Variants in ZNF516 observed in about 807,000 individuals in gnomAD.
ZNF516 encodes the protein zinc finger protein 516.
A neutral mutation model predicts 79.7 loss-of-function variants in ZNF516; 19 were observed. The ratio of observed to expected loss-of-function variants is 0.24; its 90% CI spans 0.17 to 0.35. The LOEUF is 0.35. ZNF516 is among the 10% of genes least tolerant of loss of function. ZNF516 has a pLI of 1.00. For missense variants in ZNF516, 1,678 were observed against 1,679.5 expected, an observed-to-expected ratio of 1.00 and a Z score of 0.02; for synonymous variants, 877 against 739.5, an observed-to-expected ratio of 1.19 and a Z score of -3.02.
At chr18:76,470,953 C>A (rs1367218369) in intron 1 of ZNF516, among the ~76,000 whole-genome samples, 2 of 152,188 alleles carry the variant, frequency 1.3e-5, no homozygotes, top group African/African-American at 2.4e-5. Context: ...TCCACAAAAA[C>A]CTGATTTTTT....
Position 76,443,205 on chromosome 18 carries a change from C to T in ZNF516, c.-151G>A. On this transcript the variant is annotated 5_prime_UTR_variant, in exon 3 of 7. Coordinates refer to ENST00000443185, the MANE Select transcript of ZNF516 (RefSeq NM_014643.4). ...ACATGGGGGGCGCAGCAGCTGGCAGCCAGCACCTGAAACAGAGATGGAACA... is the reference window on the plus strand; with the variant it reads ...ACATGGGGGGCGCAGCAGCTGGCAGTCAGCACCTGAAACAGAGATGGAACA... 8.4e-7 allele frequency: 1 copy of T among 1,189,744 alleles called. No homozygotes were observed. Among genetic ancestry groups the T allele is most frequent in the Non-Finnish European group, 1.1e-6 (1 of 884,786 alleles). The allele number at this position is 1,189,744 out of a possible 1,614,324, so 73.7% of individuals were successfully genotyped here.
At chr18:76,469,544 A>G (rs1355042231) in intron 1 of ZNF516, among the ~76,000 whole-genome samples, 2 of 152,230 alleles carry the variant, frequency 1.3e-5, no homozygotes, top group African/African-American at 4.8e-5. Context: ...ATTAAAAATT[A>G]CCGGGTTGGG....
chr18:76,441,434 G>T lies in ZNF516; in HGVS notation c.1621C>A (p.Arg541Ser). ...TCCCCGTCACTGTCCCTCTCGCGGC[G>T]CGCGCGGCGATGCACGCGTGAGTGC... Reference protein sequence around the residue: ...VLHSRVHRRARRERDSDGDRA... With the variant: ...VLHSRVHRRASRERDSDGDRA... Residue 541 changes from arginine to serine, a missense_variant, in exon 3 of 7, where the codon CGC (arginine) becomes AGC (serine). Arg to Ser is a moderately radical substitution (Grantham distance 110, BLOSUM62 -1). Around this residue, in one of 5 missense-constraint regions of ZNF516, gnomAD observed 1,294 missense variants for 1,248.3 expected, o/e 1.04. Transcript: ENST00000443185. 1 of 1,607,200 alleles carries T rather than the reference G, an allele frequency of 6.2e-7. No individual in the cohort carries two copies. The highest frequency in any genetic ancestry group is 8.5e-7 in the Non-Finnish European group (1 of 1,178,006).
chr18:76,372,146 G>A (rs1599136808), intron 4 of ZNF516, among the ~76,000 whole-genome samples: 1 of 152,228 alleles, frequency 6.6e-6, no homozygotes, highest in African/African-American at 2.4e-5. Context: ...GGCCCCCAAG[G>A]TGCGTGCACC....
chr18:76,494,971 G>GCCCTCCCCGCGCCCGGGGGGC, intron 1 of ZNF516, among the ~76,000 whole-genome samples, 173 bp downstream of exon 1: 1 of 150,432 alleles, frequency 6.6e-6, no homozygotes, highest in East Asian at 2.0e-4. Context: ...AAGCCAAGTA[G>GCCCTCCCCGCGCCCGGGGGGC]CCCTCCCCGC....
intron 1 of ZNF516, among the ~76,000 whole-genome samples, chr18:76,487,735 T>C (rs565486112): frequency 6.6e-6 from 1 of 150,518 alleles, no homozygotes; most frequent in Non-Finnish European, 1.5e-5. Flanking sequence ...CATTCCTCTA[T>C]CAAAGAGAAT....
intron 3 of ZNF516, among the ~76,000 whole-genome samples, chr18:76,419,208 G>A (rs1442702104): frequency 2.0e-5 from 3 of 152,234 alleles, no homozygotes; most frequent in African/African-American, 7.2e-5. Context: ...CTGTATACAC[G>A]TGGACAACAA....
chr18:76,463,958 C>T (rs926332790), intron 1 of ZNF516, among the ~76,000 whole-genome samples: 3 of 152,168 alleles, frequency 2.0e-5, no homozygotes, highest in Non-Finnish European at 1.5e-5. Flanking sequence ...GAAGATCCAC[C>T]GAAACAAGAT....
intron 3 of ZNF516, among the ~76,000 whole-genome samples, chr18:76,382,756 CAA>C (rs1251227769): frequency 6.6e-6 from 1 of 152,116 alleles, no homozygotes; most frequent in African/African-American, 2.4e-5. Flanking sequence ...ACTAAAAACA[CAA>C]AAATTAGCTG....
chr18:76,467,189 CTCGGAACCTGCA>C lies in ZNF516; in HGVS notation c.-271-4060_-271-4049del. On this transcript the variant is annotated intron_variant, in intron 1 of 6. Coordinates refer to ENST00000443185, the MANE Select transcript of ZNF516 (RefSeq NM_014643.4). The surrounding 1 kb of genome is among the most constrained non-coding windows in gnomAD (Gnocchi z 4.2). The stretch of plus-strand genomic sequence containing the variant: ...GGTTGGCAGGAAGTCCTGCGTGTCT[CTCGGAACCTGCA>C]GCTCACAGCCCCTCTGGGCTGGCAG... Among the ~76,000 whole-genome samples, 2 of 93,912 alleles carry C rather than the reference CTCGGAACCTGCA, an allele frequency of 2.1e-5. No homozygotes were observed. The highest frequency in any genetic ancestry group is 8.7e-5 in the African/African-American group (2 of 23,024). The allele number at this position is 93,912 out of a possible 152,430, so 61.6% of individuals were successfully genotyped here.
chr18:76,390,665 G>A (rs1370678887), intron 3 of ZNF516, among the ~76,000 whole-genome samples: 1 of 152,218 alleles, frequency 6.6e-6, no homozygotes, highest in Non-Finnish European at 1.5e-5. Context: ...GGTCCCGCAG[G>A]CAGGAGGCCC....
intron 1 of ZNF516, among the ~76,000 whole-genome samples, chr18:76,465,742 G>T (rs995718415): frequency 6.6e-6 from 1 of 152,204 alleles, no homozygotes; most frequent in Non-Finnish European, 1.5e-5. Flanking sequence ...TGAGGGCACA[G>T]AAGTCCCTGC....
rs202124393 is a variant in ZNF516, at chr18:76,418,337, A to T, written c.1810+22908T>A. On this transcript the variant is annotated intron_variant, in intron 3 of 6. Coordinates refer to ENST00000443185, the MANE Select transcript of ZNF516 (RefSeq NM_014643.4). ...TGCTGTAACACACTAACACACTATA[A>T]CACGCTGTGACATATGCTGTAACAC... 1.1e-3 allele frequency among the ~76,000 whole-genome samples: 173 copies of T among 152,132 alleles called. 2 individuals carry two copies. In the East Asian group the frequency reaches 0.022, roughly 19 times the overall value.
At chr18:76,481,981 A>C (rs181699243) in intron 1 of ZNF516, among the ~76,000 whole-genome samples, 1 of 152,326 alleles carries the variant, frequency 6.6e-6, no homozygotes, top group African/African-American at 2.4e-5. Context: ...ACTTTCCAAA[A>C]GCTACAATAG....
chr18:76,474,441 T>C (rs924400098), intron 1 of ZNF516, among the ~76,000 whole-genome samples: 5 of 152,132 alleles, frequency 3.3e-5, no homozygotes, highest in African/African-American at 7.2e-5. Flanking sequence ...ACAACACTCA[T>C]AGAAGTTCAG....
intron 3 of ZNF516, among the ~76,000 whole-genome samples, chr18:76,416,592 A>G (rs1005426502): frequency 5.3e-5 from 8 of 152,266 alleles, no homozygotes; most frequent in Non-Finnish European, 1.5e-5. Flanking sequence ...TTCAAGAGCC[A>G]GAAACCAATA....
intron 2 of ZNF516, among the ~76,000 whole-genome samples, chr18:76,444,526 CACACA>C (rs1349281351): frequency 1.3e-5 from 2 of 152,226 alleles, no homozygotes. Context: ...GGCTGGGAAG[CACACA>C]ACACATTAAC....
At chr18:76,371,858 C>T (rs916002698) in intron 4 of ZNF516, among the ~76,000 whole-genome samples, 2 of 152,204 alleles carry the variant, frequency 1.3e-5, no homozygotes, top group East Asian at 3.9e-4. Flanking sequence ...TGTGCAGCTC[C>T]GAGCAACTGC....
chr18:76,397,059 C>T (rs1599179062), intron 3 of ZNF516, among the ~76,000 whole-genome samples: 1 of 152,294 alleles, frequency 6.6e-6, no homozygotes. Context: ...CACAGAAAAG[C>T]CGGGGGACAC....
Sources: gnomAD v4.1 joint callset for allele counts (sites outside exome capture counted in the v4.1 genomes callset) on GRCh38, gnomAD v4.1.1 for gene constraint, gnomAD v4.1.1 regional missense constraint, Gnocchi (gnomAD v3.1) non-coding constraint, MANE v1.5 for transcripts, NCBI Gene and HGNC (gene_info 2026-07-23, HGNC 2026-07-21) for gene names.